Variants in MEGF10 observed in about 807,000 individuals in gnomAD.
The protein encoded by MEGF10 is multiple epidermal growth factor-like domains protein 10.
MEGF10 carries 86 observed loss-of-function variants against 147.5 expected under a neutral mutation model. That is an observed-to-expected ratio of 0.58 (90% CI 0.49 to 0.70). The LOEUF (loss-of-function observed/expected upper bound fraction) is 0.70, where lower values mean the gene tolerates loss of function less well. MEGF10 is among the 30% of genes least tolerant of loss of function. The pLI is 0.00. For synonymous variants in MEGF10, 478 were observed against 525.5 expected (o/e 0.91, Z 1.24); for missense variants, 1,329 against 1,487.3 (o/e 0.89, Z 1.75).
chr5:127,235,871 A>G, the MEGF10 span, among the ~76,000 whole-genome samples: 1 of 152,244 alleles, frequency 6.6e-6, no homozygotes, highest in Non-Finnish European at 1.5e-5. Flanking sequence ...TTATATCTAA[A>G]TAACAATATA....
intron 11 of MEGF10, 71 bp from the exon 12 acceptor site, chr5:127,419,973 G>C: frequency 6.5e-7 from 1 of 1,547,572 alleles, no homozygotes; most frequent in East Asian, 2.3e-5. Flanking sequence ...GAGAAACGTG[G>C]TTTGGAAAGG....
chr5:127,338,543 T>G (rs1254425711), intron 2 of MEGF10, among the ~76,000 whole-genome samples: 2 of 152,150 alleles, frequency 1.3e-5, no homozygotes, highest in Non-Finnish European at 1.5e-5. Flanking sequence ...CAGCCATATG[T>G]TTAGAACCAG....
intron 1 of MEGF10, among the ~76,000 whole-genome samples, chr5:127,318,764 A>T (rs1760669224): frequency 6.6e-6 from 1 of 152,192 alleles, no homozygotes; most frequent in South Asian, 2.1e-4. Flanking sequence ...GTAAGCCTAT[A>T]AAAGTTGTAA....
chr5:127,246,220 G>T, the MEGF10 span, among the ~76,000 whole-genome samples: 1 of 152,136 alleles, frequency 6.6e-6, no homozygotes, highest in African/African-American at 2.4e-5. Context: ...GCCCATCAAT[G>T]ATAGACTGGA....
At chr5:127,329,042 A>G (rs767839849) in intron 1 of MEGF10, among the ~76,000 whole-genome samples, 6 of 152,222 alleles carry the variant, frequency 3.9e-5, no homozygotes, top group Non-Finnish European at 8.8e-5. Flanking sequence ...ATGGCTCAGT[A>G]CTGTGTCTGG....
At chr5:127,444,489 A>G (rs370245956) in intron 19 of MEGF10, 9 of 152,218 alleles carry the variant, frequency 5.9e-5, no homozygotes, top group African/African-American at 2.2e-4. Flanking sequence ...TCATAGGAAC[A>G]TTTACTTGAG....
chr5:127,303,776 C>T (rs183877506), intron 1 of MEGF10, among the ~76,000 whole-genome samples: 7 of 152,296 alleles, frequency 4.6e-5, no homozygotes, highest in Non-Finnish European at 8.8e-5. Flanking sequence ...AATCAGATTT[C>T]TTGGCTTTGA....
In MEGF10 at chr5:127,449,242, G is replaced by C; in HGVS notation, c.2980+20G>C. 1 of 1,612,370 alleles carries C rather than the reference G, an allele frequency of 6.2e-7. No homozygotes were observed. Among genetic ancestry groups the C allele is most frequent in the Non-Finnish European group, 8.5e-7 (1 of 1,179,518 alleles). On this transcript the variant is annotated intron_variant, in intron 22 of 24. Transcript: ENST00000503335. ...AGCTCGGTGAGTTCTCCCAACGCAC[G>C]TCCCCAGAAGCACCTTGACCTGTCA... is the stretch of plus-strand genomic sequence containing the variant.
chr5:127,318,445 A>G (rs973233929), intron 1 of MEGF10, among the ~76,000 whole-genome samples: 17 of 152,234 alleles, frequency 1.1e-4, no homozygotes, highest in African/African-American at 3.9e-4. Context: ...TAAGATAAAA[A>G]ATGATAAACA....
intron 13 of MEGF10, among the ~76,000 whole-genome samples, chr5:127,431,683 C>A (rs1478201589): frequency 6.6e-6 from 1 of 152,176 alleles, no homozygotes; most frequent in Non-Finnish European, 1.5e-5. Flanking sequence ...TGTTGTTAAG[C>A]AGGAGTCTTG....
At chr5:127,346,262 A>C (rs1761883871) in intron 4 of MEGF10, among the ~76,000 whole-genome samples, 1 of 152,102 alleles carries the variant, frequency 6.6e-6, no homozygotes, top group South Asian at 2.1e-4. Flanking sequence ...ATCTACTTTT[A>C]GTTCTTTAAG....
chr5:127,417,790 G>A lies in MEGF10; in HGVS notation c.1283G>A (p.Cys428Tyr), dbSNP rs750070506. 3.1e-6 allele frequency: 5 copies of A among 1,614,032 alleles called. No individual in the cohort carries two copies. The highest frequency in any genetic ancestry group is 1.7e-5 in the Admixed American group (1 of 60,014). The change falls in exon 10 of 25, where the codon TGC becomes TAC. Residue 428 changes from cysteine (C) to tyrosine (Y), a missense_variant. By Grantham distance (194) the Cys-to-Tyr change is radical (BLOSUM62 -2). Coordinates refer to ENST00000503335, the MANE Select transcript of MEGF10 (RefSeq NM_001256545.2). ...GACTGTGACAGTGTGACTGGAAAGT[G>A]CACCTGTGCCCCAGGATTCAAAGTG... ...GADCDSVTGK[C>Y]TCAPGFKGID...
chr5:127,285,054 G>A, the MEGF10 span, among the ~76,000 whole-genome samples: 1 of 152,152 alleles, frequency 6.6e-6, no homozygotes, highest in African/African-American at 2.4e-5. Context: ...TGTAATAATA[G>A]AATTGTAGAA....
chr5:127,298,859 G>A (rs957274280), intron 1 of MEGF10, among the ~76,000 whole-genome samples: 6 of 152,252 alleles, frequency 3.9e-5, no homozygotes, highest in Non-Finnish European at 7.3e-5. Flanking sequence ...GCGGCCAGCC[G>A]TCCAACTGAG....
intron 5 of MEGF10, among the ~76,000 whole-genome samples, chr5:127,381,749 C>A (rs919995034): frequency 2.0e-5 from 3 of 152,220 alleles, no homozygotes; most frequent in Non-Finnish European, 4.4e-5. Context: ...CAACTGACTG[C>A]AACCTCCACC....
At chr5:127,272,913 G>A in the MEGF10 span, among the ~76,000 whole-genome samples, 3 of 152,128 alleles carry the variant, frequency 2.0e-5, no homozygotes, top group African/African-American at 4.8e-5. Flanking sequence ...ATTCGAATAC[G>A]CTTTATTTCT....
intron 1 of MEGF10, among the ~76,000 whole-genome samples, chr5:127,304,800 G>T (rs992551856): frequency 6.6e-6 from 1 of 151,918 alleles, no homozygotes; most frequent in Admixed American, 6.6e-5. Context: ...TGGCCTGGAG[G>T]TGTGTTCCTA....
intron 9 of MEGF10, among the ~76,000 whole-genome samples, chr5:127,415,896 CAAAAAAA>C (rs1156648076): frequency 1.4e-4 from 8 of 55,576 alleles, no homozygotes; most frequent in African/African-American, 2.3e-4. Flanking sequence ...GACTCCATCT[CAAAAAAA>C]AAAAAAAAAA....
At chr5:127,247,398 GAAGAAGA>G in the MEGF10 span, among the ~76,000 whole-genome samples, 1 of 47,658 alleles carries the variant, frequency 2.1e-5, no homozygotes, top group Non-Finnish European at 4.2e-5. Context: ...AGAAGAAGAA[GAAGAAGA>G]AGAAGAAGAA....
Sources: allele counts gnomAD v4.1 joint callset (sites outside exome capture counted in the v4.1 genomes callset), GRCh38; gene constraint gnomAD v4.1.1; transcripts MANE v1.5; gene names NCBI Gene and HGNC (gene_info 2026-07-23, HGNC 2026-07-21).